The following NEDD4L variants were observed in gnomAD, a reference collection of about 807,000 sequenced individuals.
NEDD4L encodes E3 ubiquitin-protein ligase NEDD4-like.
Under a neutral mutation model 148.9 loss-of-function variants are expected in NEDD4L, and 54 were observed. The observed-to-expected ratio is 0.36, with a 90% CI of 0.29 to 0.45. The LOEUF is 0.45. NEDD4L is among the 20% of genes least tolerant of loss of function. The pLI, the probability that NEDD4L is intolerant of heterozygous loss-of-function variation, is 1.00. For synonymous variants in NEDD4L, 433 were observed against 440.7 expected (o/e 0.98, Z 0.22); for missense variants, 856 against 1,233.8 (o/e 0.69, Z 4.59).
chr18:58,401,068 A>C lies in NEDD4L; in HGVS notation c.*4799A>C, dbSNP rs566273631. On this transcript the variant is annotated 3_prime_UTR_variant, in exon 31 of 31. Coordinates refer to ENST00000400345, the MANE Select transcript of NEDD4L (RefSeq NM_001144967.3). ...AATTTCAACCCTTGGAGCCTAAGAA[A>C]ACCCTAGGAAGATGATGTTAATTTG... 2 of 152,290 alleles carry C rather than the reference A, an allele frequency of 1.3e-5. No individual in the cohort carries two copies. Among genetic ancestry groups the C allele is most frequent in the African/African-American group, 4.8e-5 (2 of 41,552 alleles). The allele number at this position is 152,290 out of a possible 1,614,324, so 9.4% of individuals were successfully genotyped here. A position where few individuals can be genotyped will look rare whatever the true frequency, so the allele number is the denominator to read the frequency against.
intron 1 of NEDD4L, among the ~76,000 whole-genome samples, chr18:58,060,129 G>T (rs1652724128): frequency 1.1e-5 from 1 of 88,170 alleles, no homozygotes; most frequent in Non-Finnish European, 2.2e-5. Context: ...TCAAGCAGGG[G>T]TTGGTTGGGG....
In NEDD4L at chr18:58,196,714, T is replaced by C. The variant is rs996266703; in HGVS notation, c.122+30853T>C. On this transcript the variant is annotated intron_variant, in intron 2 of 30. Coordinates refer to ENST00000400345, the MANE Select transcript of NEDD4L (RefSeq NM_001144967.3). ...ACTTTTCTGTTCTCTCTCTCTCTTT[T>C]TTTTTTTTTTTTTTTTTTTTTTTAA... Among the ~76,000 whole-genome samples the C allele has an allele frequency of 7.0e-4, 88 of 126,470 alleles. 1 individual carries two copies. Among genetic ancestry groups the C allele is most frequent in the South Asian group, 3.4e-3 (14 of 4,164 alleles). 83.0% of individuals were successfully genotyped at this position (126,470 alleles called of 152,430 possible). A position where few individuals can be genotyped will look rare whatever the true frequency, so the allele number is the denominator to read the frequency against.
chr18:58,158,387 C>T (rs191826995), intron 1 of NEDD4L, among the ~76,000 whole-genome samples: 13 of 152,340 alleles, frequency 8.5e-5, no homozygotes, highest in Admixed American at 2.0e-4. Context: ...GGAAATTACC[C>T]ACCTCATGAA....
intron 1 of NEDD4L, among the ~76,000 whole-genome samples, chr18:58,135,964 C>G (rs1470398590): frequency 6.6e-6 from 1 of 152,210 alleles, no homozygotes; most frequent in Non-Finnish European, 1.5e-5. Flanking sequence ...AAGCTGAACG[C>G]TTGCTCCCCC....
At chr18:58,177,342 T>C (rs2038291039) in intron 2 of NEDD4L, among the ~76,000 whole-genome samples, 1 of 152,132 alleles carries the variant, frequency 6.6e-6, no homozygotes, top group Non-Finnish European at 1.5e-5. Context: ...GAGTCAGAAA[T>C]GAAAGCAGTT....
intron 5 of NEDD4L, among the ~76,000 whole-genome samples, chr18:58,260,073 A>G (rs2049156086): frequency 6.6e-6 from 1 of 152,168 alleles, no homozygotes; most frequent in Admixed American, 6.5e-5. Flanking sequence ...ATAACAACAC[A>G]GGAGGCGAAG....
intron 2 of NEDD4L, among the ~76,000 whole-genome samples, chr18:58,220,654 A>G (rs1234282325): frequency 6.6e-6 from 1 of 152,174 alleles, no homozygotes; most frequent in East Asian, 1.9e-4. Flanking sequence ...ATGCCACCAC[A>G]TTTGAGTGCA....
At chr18:58,165,492 G>T in intron 1 of NEDD4L, 1 of 190,684 alleles carries the variant, frequency 5.2e-6, no homozygotes, top group Non-Finnish European at 9.7e-6. Flanking sequence ...TTGTGTTCTT[G>T]GTACAGCTGG....
intron 5 of NEDD4L, among the ~76,000 whole-genome samples, chr18:58,263,574 T>G (rs1483941192): frequency 6.6e-6 from 1 of 151,850 alleles, no homozygotes; most frequent in Non-Finnish European, 1.5e-5. Context: ...GGTAGACTTT[T>G]AAAATACATT....
chr18:58,127,307 C>G (rs927897878), intron 1 of NEDD4L, among the ~76,000 whole-genome samples: 1 of 152,222 alleles, frequency 6.6e-6, no homozygotes, highest in Non-Finnish European at 1.5e-5. Context: ...TGGACGTCCC[C>G]GTCATCACAG....
chr18:58,276,502 C>A (rs115374143), intron 5 of NEDD4L, among the ~76,000 whole-genome samples: 2,238 of 152,134 alleles, frequency 0.015, 65 homozygotes, highest in African/African-American at 0.051. Context: ...AGCCACCGTG[C>A]CCAGCCCTAG....
At chr18:58,194,868 G>T (rs1266661140) in intron 2 of NEDD4L, among the ~76,000 whole-genome samples, 1 of 152,224 alleles carries the variant, frequency 6.6e-6, no homozygotes, top group East Asian at 1.9e-4. Context: ...AAAGCACATT[G>T]ATTGCAGGAC....
intron 5 of NEDD4L, among the ~76,000 whole-genome samples, chr18:58,289,603 C>T (rs1410078309): frequency 6.6e-6 from 1 of 152,114 alleles, no homozygotes; most frequent in Non-Finnish European, 1.5e-5. Flanking sequence ...GCTCAGGGGC[C>T]CGTTCCACCA....
intron 7 of NEDD4L, among the ~76,000 whole-genome samples, chr18:58,322,821 G>C (rs1269752682): frequency 2.2e-5 from 3 of 138,046 alleles, no homozygotes; most frequent in African/African-American, 5.5e-5. Context: ...GTGGGTATAG[G>C]TGGGGATGCC....
At chr18:58,234,381 G>C (rs1372911267) in intron 2 of NEDD4L, among the ~76,000 whole-genome samples, 1 of 143,952 alleles carries the variant, frequency 6.9e-6, no homozygotes, top group Middle Eastern at 3.4e-3. Flanking sequence ...ATCTAGGCTG[G>C]AGTACAGTGG....
chr18:58,142,040 C>T (rs868174529), intron 1 of NEDD4L, among the ~76,000 whole-genome samples: 91 of 41,806 alleles, frequency 2.2e-3, no homozygotes, highest in Non-Finnish European at 2.7e-3. Flanking sequence ...AAATTTCTTT[C>T]TTTTTTTTTT....
In NEDD4L at chr18:58,169,102, G is replaced by GC. The variant is rs2037235906; in HGVS notation, c.122+3245dup. ...GGGGCCTCTCTCCTAGCTGGAGGTG[G>GC]CCCCTTCCCCCTTGAGAGGCCTGTG... is the stretch of plus-strand genomic sequence containing the variant. On this transcript the variant is annotated intron_variant, in intron 2 of 30. Transcript: ENST00000400345. Among the ~76,000 whole-genome samples, 22 of 152,326 alleles carry GC rather than the reference G, an allele frequency of 1.4e-4. No homozygotes were observed. The South Asian group carries it at 4.6e-3, about 32-fold the overall frequency.
chr18:58,255,405 C>A, intron 5 of NEDD4L: 2 of 859,898 alleles, frequency 2.3e-6, no homozygotes, highest in Non-Finnish European at 3.1e-6. Flanking sequence ...GTGGTTCTGG[C>A]CACCCTACCC....
At chr18:58,052,536 A>G (rs2081918862) in intron 1 of NEDD4L, among the ~76,000 whole-genome samples, 2 of 152,188 alleles carry the variant, frequency 1.3e-5, no homozygotes. Flanking sequence ...TGCTGTCATC[A>G]AATTCAGTGT....
Sources: gnomAD v4.1 joint callset for allele counts (sites outside exome capture counted in the v4.1 genomes callset) on GRCh38, gnomAD v4.1.1 for gene constraint, MANE v1.5 for transcripts, NCBI Gene and HGNC (gene_info 2026-07-23, HGNC 2026-07-21) for gene names.